ZFYVE26: variants seen among roughly 807,000 people sequenced by gnomAD.
ZFYVE26 encodes zinc finger FYVE domain-containing protein 26.
A neutral mutation model predicts 276.5 loss-of-function variants in ZFYVE26; 181 were observed. That is an observed-to-expected ratio of 0.65 (90% confidence interval 0.58 to 0.74). ZFYVE26 has a LOEUF of 0.74. ZFYVE26 is among the 30% of genes least tolerant of loss of function. The probability of loss-of-function intolerance (pLI) is 0.00; values close to 1 mark genes in which losing one functional copy is unlikely to be tolerated. For synonymous variants in ZFYVE26, 1,129 were observed against 1,203.1 expected (o/e 0.94, Z 1.27); for missense variants, 2,821 against 3,097.9 (o/e 0.91, Z 2.12).
At position 67,755,116 on chromosome 14, in the gene ZFYVE26, G is replaced by A. The variant is rs35917338; in HGVS notation, c.6921C>T (p.Ser2307=). ...DHLKIYLQET[S]RSSGRKKTTF... ...TGGTTTTCTTCCTTCCAGAGCTGCG[G>A]GATGTTTCTTGGAGGTAGATCTTCA... Residue 2307 remains serine (S), a synonymous_variant, in exon 37 of 42, where the codon TCC becomes TCT. Transcript: ENST00000347230. The A allele has an allele frequency of 3.3e-3, 5,257 of 1,614,104 alleles. 174 individuals are homozygous for A. The African/African-American group carries it at 0.062, about 19-fold the overall frequency.
intron 4 of ZFYVE26, 103 bp downstream of exon 4, chr14:67,809,097 G>T: frequency 2.0e-6 from 2 of 1,012,556 alleles, no homozygotes; most frequent in Non-Finnish European, 3.1e-6. Context: ...TGAGAACAAA[G>T]TATGGGCAAC....
At position 67,794,327 on chromosome 14, in the gene ZFYVE26, T is replaced by C. The variant is rs112285730; in HGVS notation, c.2333-88A>G. 18 of 1,262,306 alleles carry C rather than the reference T, an allele frequency of 1.4e-5. No individual in the cohort carries two copies. The African/African-American group carries it at 1.9e-4, about 13-fold the overall frequency. The allele number at this position is 1,262,306 out of a possible 1,614,324, so 78.2% of individuals were successfully genotyped here. On this transcript the variant is annotated intron_variant, in intron 12 of 41. Coordinates refer to ENST00000347230, the MANE Select transcript of ZFYVE26 (RefSeq NM_015346.4). ...AAGTTGGCTTGACAGCCAAGATCTGTGTAGTTAGAGACAGAGGATAATGAA... is the reference window on the plus strand; with the variant it reads ...AAGTTGGCTTGACAGCCAAGATCTGCGTAGTTAGAGACAGAGGATAATGAA...
intron 16 of ZFYVE26, among the ~76,000 whole-genome samples, chr14:67,787,564 A>G (rs1336271699): frequency 2.0e-5 from 3 of 152,186 alleles, no homozygotes; most frequent in African/African-American, 7.2e-5. Flanking sequence ...CTGTACCAAA[A>G]AATCTCATAT....
intron 30 of ZFYVE26, 129 bp from the exon 31 acceptor site, chr14:67,767,969 G>A: frequency 7.6e-7 from 1 of 1,322,490 alleles, no homozygotes; most frequent in East Asian, 2.4e-5. Context: ...TCTCTCCTTG[G>A]TTCCTTTTGT....
chr14:67,766,784 C>T (rs569673452), intron 31 of ZFYVE26, among the ~76,000 whole-genome samples: 20 of 152,226 alleles, frequency 1.3e-4, no homozygotes, highest in African/African-American at 4.6e-4. Flanking sequence ...ACTGCAACCT[C>T]TGCCTCCCAG....
intron 35 of ZFYVE26, chr14:67,756,372 C>T (rs1284028379): frequency 5.1e-6 from 3 of 587,160 alleles, no homozygotes; most frequent in African/African-American, 1.9e-5. Context: ...TCTACCCTCA[C>T]TGTCTCCAAT....
chr14:67,805,197 C>T lies in ZFYVE26; in HGVS notation c.1271+20G>A. 1 of 1,611,640 alleles carries T rather than the reference C, an allele frequency of 6.2e-7. No homozygotes were observed. Among genetic ancestry groups the T allele is most frequent in the Non-Finnish European group, 8.5e-7 (1 of 1,178,592 alleles). On this transcript the variant is annotated intron_variant, in intron 8 of 41. Coordinates refer to ENST00000347230, the MANE Select transcript of ZFYVE26 (RefSeq NM_015346.4). ...AGCTGTGCCCTGTGGTGGGCAGGCG[C>T]TGACTGCACAGGGCCATACCTGCTC...
At chr14:67,754,904 C>A in intron 37 of ZFYVE26, 147 bp downstream of exon 37, 1 of 922,306 alleles carries the variant, frequency 1.1e-6, no homozygotes, top group Admixed American at 1.9e-5. Context: ...GCTTTCTAGG[C>A]TTGTACTACA....
chr14:67,769,547 G>A (rs963222644), intron 29 of ZFYVE26, 47 bp downstream of exon 29: 10 of 1,611,420 alleles, frequency 6.2e-6, no homozygotes, highest in Non-Finnish European at 8.5e-6. Flanking sequence ...ACCTGCGGAA[G>A]GGTGCAGCGG....
At chr14:67,799,067 C>T (rs2040026311) in intron 10 of ZFYVE26, 1 of 1,189,232 alleles carries the variant, frequency 8.4e-7, no homozygotes, top group Non-Finnish European at 1.3e-6. Context: ...GTACGATGAG[C>T]AGGGAACAGT....
chr14:67,756,686 C>A (rs2038787853), intron 35 of ZFYVE26, among the ~76,000 whole-genome samples: 1 of 152,078 alleles, frequency 6.6e-6, no homozygotes, highest in South Asian at 2.1e-4. Flanking sequence ...CTGATCCCTC[C>A]CAATCTCCCC....
intron 24 of ZFYVE26, among the ~76,000 whole-genome samples, 186 bp downstream of exon 24, chr14:67,777,939 GC>G (rs2039390861): frequency 6.6e-6 from 1 of 151,770 alleles, no homozygotes; most frequent in Non-Finnish European, 1.5e-5. Context: ...TCTGGACCCA[GC>G]CGCCCCATCT....
Position 67,798,593 on chromosome 14 carries a change from C to T in ZFYVE26, c.1669G>A (p.Ala557Thr). The T allele has an allele frequency of 6.2e-7, 1 of 1,613,940 alleles. No individual in the cohort carries two copies. The highest frequency in any genetic ancestry group is 8.5e-7 in the Non-Finnish European group (1 of 1,180,020). The change falls in exon 11 of 42, where the codon GCC (alanine) becomes ACC (threonine). Residue 557 changes from alanine (A) to threonine (T), a missense_variant. Physicochemically the swap from Ala to Thr is moderately conservative, Grantham distance 58. Coordinates refer to ENST00000347230, the MANE Select transcript of ZFYVE26 (RefSeq NM_015346.4). ...CTGCACAGATACTGTTGACACCTGG[C>T]CAGGTAAGTTGAGAAGAGATTTGCA... ...GAANLFSTYL[A>T]RCQQYLCSIP...
rs1179965507 is a variant in ZFYVE26, at chr14:67,756,093, C to T, written c.6641G>A (p.Ser2214Asn). The part of the protein sequence containing the change: ...IEGIFQPSYK[S>N]GKLHTLENLL... ...GTTCTCCAAAGTGTGTAGCTTCCCA[C>T]TTTTATAGCTTGGTTGGAAAATGCC... The change falls in exon 36 of 42, where the codon AGT becomes AAT. Residue 2214 changes from serine (S) to asparagine (N), a missense_variant. Coordinates refer to ENST00000347230, the MANE Select transcript of ZFYVE26 (RefSeq NM_015346.4). 6.2e-7 allele frequency: 1 copy of T among 1,614,252 alleles called. No individual in the cohort carries two copies. Among genetic ancestry groups the T allele is most frequent in the Non-Finnish European group, 8.5e-7 (1 of 1,180,042 alleles).
At position 67,807,387 on chromosome 14, in the gene ZFYVE26, A is replaced by C; in HGVS notation, c.886+11T>G. 2 of 1,613,948 alleles carry C rather than the reference A, an allele frequency of 1.2e-6. No individual in the cohort carries two copies. The highest frequency in any genetic ancestry group is 8.5e-7 in the Non-Finnish European group (1 of 1,179,940). The stretch of plus-strand genomic sequence containing the variant: ...ACTGAAACTAAAGGAGCAGCAGCAA[A>C]GGGAACACACCTTTTCCCGAGGCTG... On this transcript the variant is annotated intron_variant, in intron 5 of 41. Transcript: ENST00000347230.
At chr14:67,744,683 GTTAGTTTGCTGAGAA>G (rs2038460339), downstream of ZFYVE26, among the ~76,000 whole-genome samples, 1 of 152,166 alleles carries the variant, frequency 6.6e-6, no homozygotes, top group South Asian at 2.1e-4. Flanking sequence ...CTGTTCTTGT[GTTAGTTTGCTGAGAA>G]TGATGGCTTC....
At chr14:67,733,780 C>G in intron 13 of ZFYVE26, 2 of 1,613,178 alleles carry the variant, frequency 1.2e-6, no homozygotes, top group African/African-American at 1.3e-5. Flanking sequence ...TCCAAGGGCC[C>G]GAAATAACAA....
chr14:67,753,708 T>G lies in ZFYVE26; in HGVS notation c.7187A>C (p.Gln2396Pro). ...TGATTTGAATGATCCAAGTCATACC[T>G]GCAGAACACGGAAAGCAATTCCAAA... ...DGFGIAFRVL[Q>P]DFQLDAAMTY... is the part of the protein sequence containing the mutation. Residue 2396 changes from glutamine to proline, a missense_variant and splice_region_variant, in exon 39 of 42, where the codon CAG becomes CCG. Physicochemically the swap from Gln to Pro is moderately conservative, Grantham distance 76. Transcript: ENST00000347230. 1 of 1,613,544 alleles carries G rather than the reference T, an allele frequency of 6.2e-7. No individual in the cohort carries two copies. The highest frequency in any genetic ancestry group is 8.5e-7 in the Non-Finnish European group (1 of 1,179,744).
chr14:67,780,072 C>A (rs878945606), intron 23 of ZFYVE26, among the ~76,000 whole-genome samples, 169 bp downstream of exon 23: 2 of 152,052 alleles, frequency 1.3e-5, no homozygotes, highest in African/African-American at 4.8e-5. Context: ...GGGGTTTCAC[C>A]GTGGTCTCGA....
Sources: allele counts gnomAD v4.1 joint callset (sites outside exome capture counted in the v4.1 genomes callset), GRCh38; gene constraint gnomAD v4.1.1; transcripts MANE v1.5; gene names NCBI Gene and HGNC (gene_info 2026-07-23, HGNC 2026-07-21).